Variants in CHRNA5 observed in about 807,000 individuals in gnomAD.
CHRNA5 encodes the protein neuronal acetylcholine receptor subunit alpha-5.
In CHRNA5, 28 loss-of-function variants were observed where a neutral mutation model predicts 41.2. That is an observed-to-expected ratio of 0.68 (90% confidence interval 0.50 to 0.93). The LOEUF is 0.93. CHRNA5 is among the 40% of genes least tolerant of loss of function. The pLI is 0.00. For missense variants in CHRNA5, 481 were observed against 581.9 expected (o/e 0.83, Z 1.78); for synonymous variants, 188 against 205.8 (o/e 0.91, Z 0.74).
At chr15:78,569,706 T>G (rs1056473560) in intron 1 of CHRNA5, among the ~76,000 whole-genome samples, 2 of 152,136 alleles carry the variant, frequency 1.3e-5, no homozygotes, top group Admixed American at 6.5e-5. Flanking sequence ...GTGCTGGGAT[T>G]ACAGGTGTGA....
At chr15:78,579,856 G>A (rs115472979) in intron 1 of CHRNA5, among the ~76,000 whole-genome samples, 2,402 of 152,182 alleles carry the variant, frequency 0.016, 55 homozygotes, top group African/African-American at 0.054. Flanking sequence ...CATGCTATCT[G>A]CTATCTTCGA....
chr15:78,570,320 G>A (rs570484819), intron 1 of CHRNA5, among the ~76,000 whole-genome samples: 37 of 151,080 alleles, frequency 2.4e-4, no homozygotes, highest in Middle Eastern at 3.4e-3. Context: ...GTGCAGTGGC[G>A]TGATCTTGGC....
chr15:78,594,835 G>A (rs989938518), exon 6 of CHRNA5: 2 of 152,166 alleles, frequency 1.3e-5, no homozygotes, highest in African/African-American at 2.4e-5. Context: ...AGAGTTGCAA[G>A]GGCCTTTAGA....
chr15:78,587,250 G>A (rs2141418132), intron 3 of CHRNA5, among the ~76,000 whole-genome samples: 1 of 152,284 alleles, frequency 6.6e-6, no homozygotes, highest in East Asian at 1.9e-4. Flanking sequence ...AAATAAACAA[G>A]TTGTATAGTA....
intron 5 of CHRNA5, 43 bp from the exon 6 acceptor site, chr15:78,593,049 C>G (rs758933260): frequency 1.3e-6 from 2 of 1,586,296 alleles, no homozygotes; most frequent in Admixed American, 3.7e-5. Flanking sequence ...AATATGTACA[C>G]AATTTACAAT....
chr15:78,588,129 T>C lies in CHRNA5; in HGVS notation c.304-185T>C, dbSNP rs1445943566. On this transcript the variant is annotated intron_variant, in intron 3 of 5. Transcript: ENST00000299565. This position sits in a 1 kb window ranked among gnomAD's most constrained non-coding sequence, Gnocchi z 4.1. ...CACCTGTGTCTCACAGGGACCATGG[T>C]GAGAACCACTACACAAGGGGACAGG... 1.3e-5 allele frequency among the ~76,000 whole-genome samples: 2 copies of C among 152,142 alleles called. No homozygotes were observed. Among genetic ancestry groups the C allele is most frequent in the Non-Finnish European group, 2.9e-5 (2 of 68,030 alleles).
At chr15:78,567,123 C>T (rs999587144) in intron 1 of CHRNA5, among the ~76,000 whole-genome samples, 3 of 151,748 alleles carry the variant, frequency 2.0e-5, no homozygotes, top group Non-Finnish European at 4.4e-5. Flanking sequence ...CGTGGTGGTG[C>T]GCGCCTGTAG....
At chr15:78,571,449 A>C (rs904644497) in intron 1 of CHRNA5, among the ~76,000 whole-genome samples, 29 of 152,322 alleles carry the variant, frequency 1.9e-4, no homozygotes, top group African/African-American at 7.0e-4. Context: ...CTCATGCACC[A>C]TTAGGTGTTT....
intron 1 of CHRNA5, among the ~76,000 whole-genome samples, chr15:78,578,714 A>G (rs1336626393): frequency 6.6e-6 from 1 of 152,136 alleles, no homozygotes; most frequent in Non-Finnish European, 1.5e-5. Context: ...TGAAAGTGCT[A>G]ATTTCTCTCC....
intron 1 of CHRNA5, among the ~76,000 whole-genome samples, chr15:78,566,408 C>G (rs12907994): frequency 0.03 from 4,638 of 152,250 alleles, 106 homozygotes; most frequent in Non-Finnish European, 0.05. Flanking sequence ...CCTTAGAGCA[C>G]AGCTTTTTTC....
At chr15:78,583,269 AAGAG>A (rs368955518) in intron 2 of CHRNA5, among the ~76,000 whole-genome samples, 53 of 152,342 alleles carry the variant, frequency 3.5e-4, no homozygotes, top group African/African-American at 1.2e-3. Context: ...TGAGGAGTGA[AAGAG>A]AGACTAGAAA....
exon 5 of CHRNA5, chr15:78,590,138 G>A: frequency 1.2e-6 from 2 of 1,614,176 alleles, no homozygotes; most frequent in Non-Finnish European, 8.5e-7. Flanking sequence ...TCAAGCGCCT[G>A]CCTCTCTTTT....
exon 6 of CHRNA5, chr15:78,594,906 CACAGTTAAA>C (rs1343640095): frequency 6.6e-6 from 1 of 152,140 alleles, no homozygotes; most frequent in Non-Finnish European, 1.5e-5. Context: ...TATAATGTAT[CACAGTTAAA>C]ACAGTTAAAT....
At chr15:78,566,380 C>T (rs897445760) in intron 1 of CHRNA5, among the ~76,000 whole-genome samples, 1 of 152,186 alleles carries the variant, frequency 6.6e-6, no homozygotes, top group African/African-American at 2.4e-5. Flanking sequence ...CGTTTGCATC[C>T]AGAGTTCCTC....
Position 78,588,318 on chromosome 15 carries a change from G to T in CHRNA5, c.308G>T (p.Trp103Leu). The T allele has an allele frequency of 6.6e-7, 1 of 1,525,842 alleles. No individual in the cohort carries two copies. 94.5% of individuals were successfully genotyped at this position (1,525,842 alleles called of 1,614,324 possible). The change falls in exon 4 of 6, where the codon TGG (tryptophan) becomes TTG (leucine). Residue 103 changes from tryptophan (W) to leucine (L), a missense_variant. Trp to Leu is a moderately conservative substitution (Grantham distance 61, BLOSUM62 -2). Coordinates refer to ENST00000299565, the Ensembl canonical transcript of CHRNA5. This position sits in a 1 kb window ranked among gnomAD's most constrained non-coding sequence, Gnocchi z 4.1. ...GCAGATTTCTTTGTTTTAAAGGAATGGATAGATGTAAAATTAAGATGGAAC... is the reference window on the plus strand; with the variant it reads ...GCAGATTTCTTTGTTTTAAAGGAATTGATAGATGTAAAATTAAGATGGAAC...
At chr15:78,585,173 C>T (rs924613824) in intron 2 of CHRNA5, among the ~76,000 whole-genome samples, 2 of 152,218 alleles carry the variant, frequency 1.3e-5, no homozygotes, top group Non-Finnish European at 2.9e-5. Context: ...GTCTTGGCCT[C>T]CCAAGTGCTG....
chr15:78,573,285 A>G (rs2052823509), intron 1 of CHRNA5, among the ~76,000 whole-genome samples: 1 of 152,246 alleles, frequency 6.6e-6, no homozygotes, highest in African/African-American at 2.4e-5. Flanking sequence ...ATCCTGTGTT[A>G]GACTCCAGAG....
exon 6 of CHRNA5, chr15:78,595,025 C>T (rs757980573): frequency 6.6e-6 from 1 of 152,284 alleles, no homozygotes; most frequent in Non-Finnish European, 1.5e-5. Context: ...ATCACAAACA[C>T]CTCATTTATT....
exon 5 of CHRNA5, chr15:78,589,940 C>T: frequency 6.2e-7 from 1 of 1,614,180 alleles, no homozygotes; most frequent in Non-Finnish European, 8.5e-7. Flanking sequence ...ACCTTCAGAA[C>T]TGTTCCATGA....
Sources: allele counts gnomAD v4.1 joint callset (sites outside exome capture counted in the v4.1 genomes callset), GRCh38; gene constraint gnomAD v4.1.1; non-coding constraint Gnocchi (gnomAD v3.1); transcripts MANE v1.5; gene names NCBI Gene and HGNC (gene_info 2026-07-23, HGNC 2026-07-21).